The following RAP1GAP2 variants were observed in gnomAD, a reference collection of about 807,000 sequenced individuals.
RAP1GAP2 encodes the protein RAP1 GTPase activating protein 2.
A neutral mutation model predicts 95.0 loss-of-function variants in RAP1GAP2; 27 were observed. The observed-to-expected ratio is 0.28, with a 90% CI of 0.21 to 0.39. The LOEUF (loss-of-function observed/expected upper bound fraction) is 0.39. RAP1GAP2 is among the 10% of genes least tolerant of loss of function. RAP1GAP2 has a pLI of 1.00. For missense variants in RAP1GAP2, 771 were observed against 970.0 expected (o/e 0.79, Z 2.72); for synonymous variants, 373 against 380.9 (o/e 0.98, Z 0.24).
chr17:2,965,636 A>G lies in RAP1GAP2; in HGVS notation c.589A>G (p.Ile197Val). The G allele has an allele frequency of 6.2e-7, 1 of 1,606,238 alleles. No homozygotes were observed. The highest frequency in any genetic ancestry group is 1.3e-5 in the African/African-American group (1 of 74,878). ...AGAGGGGATCGAGTACCTCCGGGTC[A>G]TCCTTAGGTAGGGCTGTTGCGCTGC... is the stretch of plus-strand genomic sequence containing the variant. ...EAEGIEYLRVILRSKLKTVHE... is the reference protein window; with the variant it reads ...EAEGIEYLRVVLRSKLKTVHE... Residue 197 changes from isoleucine to valine, a missense_variant, in exon 8 of 25, where the codon ATC (isoleucine) becomes GTC (valine). By Grantham distance (29) the Ile-to-Val change is conservative. Coordinates refer to ENST00000254695, the MANE Select transcript of RAP1GAP2 (RefSeq NM_015085.5). This position sits in a 1 kb window ranked among gnomAD's most constrained non-coding sequence, Gnocchi z 4.7.
At chr17:2,886,157 G>A (rs138135148) in intron 2 of RAP1GAP2, among the ~76,000 whole-genome samples, 25,543 of 116,090 alleles carry the variant, frequency 0.22, 2,862 homozygotes, top group Middle Eastern at 0.32. Flanking sequence ...GTGTGTGTGT[G>A]TGTGTATATA....
intron 2 of RAP1GAP2, among the ~76,000 whole-genome samples, chr17:2,805,559 AT>A (rs2069478914): frequency 6.6e-6 from 1 of 151,558 alleles, no homozygotes. Flanking sequence ...TTTAGTAGAG[AT>A]GGGGGTTTCA....
chr17:2,936,161 G>A (rs1040548632), intron 3 of RAP1GAP2, among the ~76,000 whole-genome samples: 3 of 150,968 alleles, frequency 2.0e-5, no homozygotes, highest in Non-Finnish European at 4.4e-5. Context: ...CAACGTGCAG[G>A]TTTGTTACAT....
chr17:3,032,576 G>T, intron 24 of RAP1GAP2, 127 bp downstream of exon 24: 1 of 918,382 alleles, frequency 1.1e-6, no homozygotes, highest in Admixed American at 2.0e-5. Flanking sequence ...TGTCCAAAGA[G>T]TCTCCTACTC....
intron 2 of RAP1GAP2, among the ~76,000 whole-genome samples, chr17:2,829,009 A>C (rs1159241436): frequency 8.6e-4 from 20 of 23,328 alleles, no homozygotes; most frequent in African/African-American, 1.1e-3. Context: ...TTTTTGGGAA[A>C]CCTCGCTCTG....
chr17:2,985,292 T>A (rs62092003), intron 11 of RAP1GAP2, among the ~76,000 whole-genome samples: 4 of 147,116 alleles, frequency 2.7e-5, no homozygotes, highest in South Asian at 4.2e-4. Flanking sequence ...TTTTTTTTTT[T>A]AATATAGCAA....
At chr17:2,957,520 C>G (rs1342076749) in intron 3 of RAP1GAP2, among the ~76,000 whole-genome samples, 3 of 152,238 alleles carry the variant, frequency 2.0e-5, no homozygotes, top group African/African-American at 7.2e-5. Flanking sequence ...AGTGTCTGCT[C>G]CCCCAGCACC....
rs537227466 is a variant in RAP1GAP2, at chr17:3,027,888, G to A, written c.2107+818G>A. On this transcript the variant is annotated intron_variant, in intron 22 of 24. Coordinates refer to ENST00000254695, the MANE Select transcript of RAP1GAP2 (RefSeq NM_015085.5). The surrounding 1 kb of genome is among the most constrained non-coding windows in gnomAD (Gnocchi z 5.2). ...GGGCTCAGTAGCAGGGGTTCAGAGA[G>A]AGCAGGAGTCTGGGCGTTTTGGGGT... Among the ~76,000 whole-genome samples, 3 of 152,188 alleles carry A rather than the reference G, an allele frequency of 2.0e-5. No individual in the cohort carries two copies. Among genetic ancestry groups the A allele is most frequent in the Admixed American group, 2.0e-4 (3 of 15,296 alleles).
In RAP1GAP2 at chr17:3,003,705, C is replaced by T. The variant is rs976848718; in HGVS notation, c.1201-1664C>T. ...TCCAAGCCCTCGCTGGAGGCCCTCG[C>T]TGCATTTAGAAAACAGGAAGGTGGG... On this transcript the variant is annotated intron_variant, in intron 14 of 24. Transcript: ENST00000254695. This position sits in a 1 kb window ranked among gnomAD's most constrained non-coding sequence, Gnocchi z 4.1. 2.6e-5 allele frequency among the ~76,000 whole-genome samples: 4 copies of T among 152,202 alleles called. No individual in the cohort carries two copies. Among genetic ancestry groups the T allele is most frequent in the African/African-American group, 9.7e-5 (4 of 41,442 alleles).
chr17:3,007,335 C>G (rs1293153599), intron 16 of RAP1GAP2, among the ~76,000 whole-genome samples: 1 of 152,062 alleles, frequency 6.6e-6, no homozygotes, highest in African/African-American at 2.4e-5. Context: ...ACGATGGTGA[C>G]AAGGACAGGT....
At chr17:2,810,659 T>A (rs2069730485) in intron 2 of RAP1GAP2, among the ~76,000 whole-genome samples, 1 of 151,326 alleles carries the variant, frequency 6.6e-6, no homozygotes, top group South Asian at 2.1e-4. Flanking sequence ...GGCTCCTGAG[T>A]AGCTGGGATT....
chr17:2,950,407 C>T (rs541254229), intron 3 of RAP1GAP2, among the ~76,000 whole-genome samples: 2 of 151,880 alleles, frequency 1.3e-5, no homozygotes, highest in Non-Finnish European at 2.9e-5. Context: ...CCAATGAAAT[C>T]GAGAAAAAGT....
chr17:3,030,520 C>T (rs1244193616), intron 22 of RAP1GAP2, among the ~76,000 whole-genome samples: 1 of 152,104 alleles, frequency 6.6e-6, no homozygotes, highest in Non-Finnish European at 1.5e-5. Context: ...GTGATGTCCT[C>T]GAACGTGGAC....
intron 4 of RAP1GAP2, among the ~76,000 whole-genome samples, chr17:2,959,568 C>T (rs1304231554): frequency 2.0e-5 from 3 of 152,208 alleles, no homozygotes; most frequent in African/African-American, 4.8e-5. Flanking sequence ...CATCTCTCTT[C>T]ATCTTGCACG....
chr17:2,972,444 A>G (rs1349528843), intron 8 of RAP1GAP2, among the ~76,000 whole-genome samples: 1 of 152,142 alleles, frequency 6.6e-6, no homozygotes, highest in East Asian at 1.9e-4. Context: ...AACATGAGTG[A>G]AACCTGAAAT....
At chr17:2,830,411 C>T (rs868587339) in intron 2 of RAP1GAP2, among the ~76,000 whole-genome samples, 8 of 146,252 alleles carry the variant, frequency 5.5e-5, no homozygotes, top group African/African-American at 2.0e-4. Context: ...AGGAAAACTC[C>T]GTCTCAAAAA....
Position 2,978,567 on chromosome 17 carries a change from T to G in RAP1GAP2, c.597-1720T>G, listed in dbSNP as rs368504557. ...CTGGAATTTTCCATGTAATATTTTT[T>G]TGGCCGTGGTTGACTGCAGGTAGCT... On this transcript the variant is annotated intron_variant, in intron 8 of 24. Transcript: ENST00000254695. Among the ~76,000 whole-genome samples the G allele has an allele frequency of 1.1e-4, 17 of 152,340 alleles. 1 individual carries two copies. Among genetic ancestry groups the G allele is most frequent in the Admixed American group, 3.3e-4 (5 of 15,302 alleles).
chr17:2,837,241 ACT>A (rs1190073155), intron 2 of RAP1GAP2, among the ~76,000 whole-genome samples: 2 of 146,264 alleles, frequency 1.4e-5, no homozygotes, highest in African/African-American at 2.6e-5. Context: ...ACAGAGCAAG[ACT>A]CTGTCTCTGG....
intron 1 of RAP1GAP2, among the ~76,000 whole-genome samples, chr17:2,786,295 C>A (rs1436456294): frequency 3.9e-5 from 6 of 152,370 alleles, no homozygotes; most frequent in African/African-American, 1.2e-4. Context: ...GGCTGGAATC[C>A]GTGTGTTCTG....
Sources: gnomAD v4.1 joint callset for allele counts (sites outside exome capture counted in the v4.1 genomes callset) on GRCh38, gnomAD v4.1.1 for gene constraint, Gnocchi (gnomAD v3.1) non-coding constraint, MANE v1.5 for transcripts, NCBI Gene and HGNC (gene_info 2026-07-23, HGNC 2026-07-21) for gene names.